The following POP1 variants were observed in gnomAD, a reference collection of about 807,000 sequenced individuals.
The protein encoded by POP1 is ribonucleases P/MRP protein subunit POP1.
In POP1, 75 loss-of-function variants were observed where a neutral mutation model predicts 102.2. The ratio of observed to expected loss-of-function variants is 0.73; its 90% confidence interval spans 0.61 to 0.89. The LOEUF (loss-of-function observed/expected upper bound fraction) is 0.89. Among genes scored for constraint, POP1 ranks in the 40% least tolerant of loss-of-function variants. The pLI, the probability that POP1 is intolerant of heterozygous loss-of-function variation, is 0.00. For synonymous variants in POP1, 436 were observed against 464.1 expected (o/e 0.94, Z 0.78); for missense variants, 1,116 against 1,267.4 (o/e 0.88, Z 1.81).
At chr8:98,140,277 T>G (rs1478014300) in intron 10 of POP1, 88 bp downstream of exon 10, 1 of 971,856 alleles carries the variant, frequency 1.0e-6, no homozygotes. Flanking sequence ...GTAGTATTGC[T>G]TTTTAACCTG....
Position 98,136,698 on chromosome 8 carries a change from C to T in POP1, c.1228C>T (p.Pro410Ser), listed in dbSNP as rs558998608. The T allele has an allele frequency of 9.3e-6, 15 of 1,613,178 alleles. No individual in the cohort carries two copies. Among genetic ancestry groups the T allele is most frequent in the Non-Finnish European group, 1.3e-5 (15 of 1,179,250 alleles). ...IGDGTRDPCL[P>S]YSWISPTTGI... is the part of the protein sequence containing the mutation. ...TGATGGAACTAGAGATCCATGTCTACCATACTCTTGGATCTCTCCAACCAC... is the reference window on the plus strand; with the variant it reads ...TGATGGAACTAGAGATCCATGTCTATCATACTCTTGGATCTCTCCAACCAC... The change falls in exon 8 of 16, where the codon CCA becomes TCA. Residue 410 changes from proline to serine, a missense_variant. Transcript: ENST00000401707.
At position 98,130,118 on chromosome 8, in the gene POP1, C is replaced by T. The variant is rs1392445886; in HGVS notation, c.627C>T (p.Ala209=). Residue 209 remains alanine, a synonymous_variant, in exon 5 of 16, where the codon GCC becomes GCT. Transcript: ENST00000401707. ...GGTTAGAAACTCACATCTGGCACGC[C>T]AAGCGGTTTCATATGGTCAAGAAGT... ...NIWLETHIWH[A]KRFHMVKKWG... 5.0e-6 allele frequency: 8 copies of T among 1,614,180 alleles called. No homozygotes were observed. The highest frequency in any genetic ancestry group is 1.7e-5 in the Admixed American group (1 of 60,018).
chr8:98,158,681 CAAGAG>C lies in POP1; in HGVS notation c.*415_*419del, dbSNP rs1563788896. ...ATGATTTCACTGTTATAGCAGAAGA[CAAGAG>C]AAGACGCTTGGCCTCTGTACATGAA... is the stretch of plus-strand genomic sequence containing the variant. On this transcript the variant is annotated 3_prime_UTR_variant, in exon 16 of 16. Coordinates refer to ENST00000401707, the MANE Select transcript of POP1 (RefSeq NM_001145860.2). 1.1e-5 allele frequency: 2 copies of C among 184,516 alleles called. No homozygotes were observed. Among genetic ancestry groups the C allele is most frequent in the Middle Eastern group, 2.4e-3 (1 of 412 alleles). 11.4% of individuals were successfully genotyped at this position (184,516 alleles called of 1,614,324 possible).
rs369328781 is a variant in POP1, at chr8:98,149,015, C to T, written c.1902+9C>T. 944 of 1,605,818 alleles carry T rather than the reference C, an allele frequency of 5.9e-4. 14 individuals are homozygous for T. The South Asian group carries it at 9.7e-3, about 16-fold the overall frequency. On this transcript the variant is annotated intron_variant, in intron 13 of 15. Transcript: ENST00000401707. ...CTTTCTGGATTCCATTTGTAAGTTA[C>T]TTTTTGATTCTAACAGTTGCAATAT... is the stretch of plus-strand genomic sequence containing the variant.
At chr8:98,131,628 T>C (rs1333294243) in intron 5 of POP1, among the ~76,000 whole-genome samples, 1 of 151,734 alleles carries the variant, frequency 6.6e-6, no homozygotes, top group African/African-American at 2.4e-5. Flanking sequence ...AGAAGTGTAA[T>C]TGCTGGATCA....
At chr8:98,122,209 G>T (rs1051257673) in intron 1 of POP1, among the ~76,000 whole-genome samples, 2 of 152,158 alleles carry the variant, frequency 1.3e-5, no homozygotes, top group African/African-American at 4.8e-5. Flanking sequence ...TTGGCAGGGT[G>T]GCGGGGGTGG....
intron 12 of POP1, among the ~76,000 whole-genome samples, chr8:98,148,165 G>A (rs993953999): frequency 3.9e-5 from 6 of 152,168 alleles, no homozygotes; most frequent in African/African-American, 1.4e-4. Context: ...TGGAAACTCC[G>A]AAAGTGAAAA....
chr8:98,157,785 G>A lies in POP1; in HGVS notation c.2589G>A (p.Leu863=), dbSNP rs1273061389. 1 of 1,614,176 alleles carries A rather than the reference G, an allele frequency of 6.2e-7. No homozygotes were observed. Among genetic ancestry groups the A allele is most frequent in the Non-Finnish European group, 8.5e-7 (1 of 1,180,028 alleles). ...CCCTGGTTTGGGTCAGCCTGTCCCT[G>A]CTCAGCAAGGGCAGCCCCGAGCCTC... ...PRALVWVSLS[L]LSKGSPEPHT... is the part of the protein sequence containing the mutation. The change falls in exon 16 of 16, where the codon CTG becomes CTA. Residue 863 remains leucine, a synonymous_variant. Transcript: ENST00000401707.
At chr8:98,141,036 A>G (rs1816689317) in intron 11 of POP1, 148 bp downstream of exon 11, 2 of 902,476 alleles carry the variant, frequency 2.2e-6, no homozygotes, top group Non-Finnish European at 1.8e-6. Flanking sequence ...TTACAAGCTG[A>G]TTATGATCTA....
Position 98,156,122 on chromosome 8 carries a change from G to T in POP1, c.2130G>T (p.Gln710His). The T allele has an allele frequency of 6.2e-7, 1 of 1,614,136 alleles. No homozygotes were observed. Among genetic ancestry groups the T allele is most frequent in the Non-Finnish European group, 8.5e-7 (1 of 1,180,026 alleles). Residue 710 changes from glutamine (Q) to histidine (H), a missense_variant, in exon 15 of 16, where the codon CAG becomes CAT. Coordinates refer to ENST00000401707, the MANE Select transcript of POP1 (RefSeq NM_001145860.2). ...TLAPFCCPWE[Q>H]LTQDWESRVQ... is the part of the protein sequence containing the mutation. ...CACCTTTCTGCTGTCCCTGGGAGCA[G>T]TTAACTCAAGACTGGGAGTCAAGAG...
intron 1 of POP1, 65 bp from the exon 2 acceptor site, chr8:98,123,271 A>C: frequency 2.6e-6 from 4 of 1,550,640 alleles, no homozygotes; most frequent in East Asian, 4.7e-5. Flanking sequence ...TTACTCATTA[A>C]ATTTATTTTT....
At chr8:98,117,435 G>T (rs1020553808) in intron 1 of POP1, 45 bp downstream of exon 1, 4 of 313,726 alleles carry the variant, frequency 1.3e-5, no homozygotes, top group Admixed American at 4.8e-5. Context: ...GAGTGTCGGG[G>T]GAACTGTATG....
rs774851323 is a variant in POP1, at chr8:98,156,175, C to T, written c.2183C>T (p.Ala728Val). ...CAGGCTTACGAAGAACCTTCTGTAG[C>T]TTCATCTCCAAATGGTAAGGAGAGT... is the stretch of plus-strand genomic sequence containing the variant. ...RVQAYEEPSV[A>V]SSPNGKESDL... Residue 728 changes from alanine (A) to valine (V), a missense_variant, in exon 15 of 16, where the codon GCT becomes GTT. By Grantham distance (64) the Ala-to-Val change is moderately conservative (BLOSUM62 0). Coordinates refer to ENST00000401707, the MANE Select transcript of POP1 (RefSeq NM_001145860.2). 34 of 1,613,968 alleles carry T rather than the reference C, an allele frequency of 2.1e-5. No individual in the cohort carries two copies. Among genetic ancestry groups the T allele is most frequent in the Non-Finnish European group, 2.8e-5 (33 of 1,180,034 alleles).
In POP1 at chr8:98,147,388, G is replaced by T. The variant is rs1311478861; in HGVS notation, c.1710+705G>T. On this transcript the variant is annotated intron_variant, in intron 12 of 15. Coordinates refer to ENST00000401707, the MANE Select transcript of POP1 (RefSeq NM_001145860.2). ...TGTACAGGAGCCCAGGCAAAAACCAGGAAGACTCTACAAGTGGATCAGGAG... is the reference window on the plus strand; with the variant it reads ...TGTACAGGAGCCCAGGCAAAAACCATGAAGACTCTACAAGTGGATCAGGAG... Among the ~76,000 whole-genome samples, 12 of 152,198 alleles carry T rather than the reference G, an allele frequency of 7.9e-5. 1 individual carries two copies. The highest frequency in any genetic ancestry group is 7.9e-4 in the Admixed American group (12 of 15,284).
At chr8:98,123,738 C>T (rs1024496639) in intron 2 of POP1, among the ~76,000 whole-genome samples, 1 of 150,442 alleles carries the variant, frequency 6.6e-6, no homozygotes, top group Non-Finnish European at 1.5e-5. Context: ...GATCATGACA[C>T]TGCACTCCAG....
intron 2 of POP1, among the ~76,000 whole-genome samples, chr8:98,125,188 T>G (rs978032985): frequency 2.0e-5 from 3 of 146,754 alleles, no homozygotes; most frequent in Non-Finnish European, 4.5e-5. Context: ...AGTTTTTTTT[T>G]TTTTTTTTTT....
chr8:98,155,900 G>A (rs1809631504), intron 14 of POP1, 150 bp from the exon 15 acceptor site: 2 of 800,194 alleles, frequency 2.5e-6, no homozygotes, highest in African/African-American at 1.9e-5. Context: ...TATGTTTCTT[G>A]GAAAGCTTTT....
At chr8:98,145,194 TG>T (rs1316324522) in intron 11 of POP1, among the ~76,000 whole-genome samples, 2 of 152,168 alleles carry the variant, frequency 1.3e-5, no homozygotes, top group Non-Finnish European at 2.9e-5. Flanking sequence ...TGGCCTGTTG[TG>T]GCTTTTAAAC....
intron 11 of POP1, among the ~76,000 whole-genome samples, chr8:98,142,827 C>T (rs193068653): frequency 6.6e-6 from 1 of 152,306 alleles, no homozygotes; most frequent in East Asian, 1.9e-4. Context: ...ATAGCTCTTG[C>T]AAGCACTTTG....
Sources: gnomAD v4.1 joint callset for allele counts (sites outside exome capture counted in the v4.1 genomes callset) on GRCh38, gnomAD v4.1.1 for gene constraint, MANE v1.5 for transcripts, NCBI Gene and HGNC (gene_info 2026-07-23, HGNC 2026-07-21) for gene names.